The following SLC25A19 variants were observed in gnomAD, a reference collection of about 807,000 sequenced individuals.
SLC25A19 encodes mitochondrial thiamine pyrophosphate carrier.
Under a neutral mutation model 27.9 loss-of-function variants are expected in SLC25A19, and 18 were observed. That is an observed-to-expected ratio of 0.64 (90% confidence interval 0.45 to 0.96). The LOEUF is 0.96. SLC25A19 is among the 40% of genes least tolerant of loss of function. The pLI is 0.00. For synonymous variants in SLC25A19, 169 were observed against 167.1 expected, an observed-to-expected ratio of 1.01 and a Z score of -0.09; for missense variants, 371 against 418.3, an observed-to-expected ratio of 0.89 and a Z score of 0.99.
At chr17:75,280,675 C>A (rs549267162) in intron 5 of SLC25A19, among the ~76,000 whole-genome samples, 3 of 150,796 alleles carry the variant, frequency 2.0e-5, no homozygotes, top group Non-Finnish European at 3.0e-5. Flanking sequence ...TAGCCAGGCG[C>A]GGTGGTGGGC....
intron 6 of SLC25A19, 93 bp downstream of exon 6, chr17:75,278,059 C>T (rs1291557264): frequency 9.2e-6 from 13 of 1,408,888 alleles, no homozygotes; most frequent in Non-Finnish European, 1.3e-5. Flanking sequence ...GTCTTTGATT[C>T]GGACAGGAGA....
intron 4 of SLC25A19, among the ~76,000 whole-genome samples, chr17:75,284,531 C>T (rs1339453155): frequency 6.6e-6 from 1 of 151,876 alleles, no homozygotes; most frequent in Non-Finnish European, 1.5e-5. Context: ...GTGCAGCTGG[C>T]GGCGGCACCT....
At chr17:75,278,060 G>C (rs1430754666) in intron 6 of SLC25A19, 92 bp downstream of exon 6, 3 of 1,416,842 alleles carry the variant, frequency 2.1e-6, no homozygotes, top group Non-Finnish European at 3.0e-6. Context: ...TCTTTGATTC[G>C]GACAGGAGAA....
chr17:75,285,898 T>C (rs1254870464), intron 4 of SLC25A19, among the ~76,000 whole-genome samples: 5 of 152,226 alleles, frequency 3.3e-5, no homozygotes, highest in Non-Finnish European at 7.4e-5. Flanking sequence ...GTGCAGGCTG[T>C]GTGGCCTCGG....
In SLC25A19 at chr17:75,273,606, T is replaced by G. The variant is rs755616679; in HGVS notation, c.808A>C (p.Lys270Gln). 6 of 1,613,250 alleles carry G rather than the reference T, an allele frequency of 3.7e-6. No homozygotes were observed. The highest frequency in any genetic ancestry group is 5.1e-6 in the Non-Finnish European group (6 of 1,179,872). The change falls in exon 8 of 8, where the codon AAG becomes CAG. Residue 270 changes from lysine (K) to glutamine (Q), a missense_variant. By Grantham distance (53) the Lys-to-Gln change is moderately conservative. Transcript: ENST00000416858. ...RRYKGLMDCA[K>Q]QVLQKEGALG... ...GCGCCTTCCTTTTGCAGCACCTGCT[T>G]GGCACAGTCCATGAGGCCCTTGTAT...
intron 2 of SLC25A19, chr17:75,287,581 T>G (rs755420494): frequency 1.3e-5 from 2 of 152,224 alleles, no homozygotes; most frequent in African/African-American, 2.4e-5. Context: ...ACAGGCTTGA[T>G]AGGCAATTGT....
intron 6 of SLC25A19, 36 bp from the exon 7 acceptor site, chr17:75,277,519 G>A: frequency 6.2e-7 from 1 of 1,612,638 alleles, no homozygotes; most frequent in Non-Finnish European, 8.5e-7. Flanking sequence ...GAATGGATGA[G>A]AGAAATGCAG....
chr17:75,274,144 C>G (rs907672925), intron 7 of SLC25A19, among the ~76,000 whole-genome samples: 1 of 152,190 alleles, frequency 6.6e-6, no homozygotes, highest in Non-Finnish European at 1.5e-5. Flanking sequence ...AAATCAGAAG[C>G]TGGACAGCGC....
At chr17:75,278,973 ACT>A (rs1242603424) in intron 5 of SLC25A19, among the ~76,000 whole-genome samples, 1 of 150,724 alleles carries the variant, frequency 6.6e-6, no homozygotes, top group Admixed American at 6.6e-5. Flanking sequence ...ACAGGCGGAG[ACT>A]CTGTCTCAAA....
intron 7 of SLC25A19, among the ~76,000 whole-genome samples, chr17:75,276,746 C>T (rs2077897864): frequency 6.7e-6 from 1 of 149,346 alleles, no homozygotes. Flanking sequence ...GCAATCTCAG[C>T]TCACTGCAAA....
chr17:75,273,359 A>C lies in SLC25A19; in HGVS notation c.*92T>G. 5 of 1,432,516 alleles carry C rather than the reference A, an allele frequency of 3.5e-6. No individual in the cohort carries two copies. The highest frequency in any genetic ancestry group is 4.8e-6 in the Non-Finnish European group (5 of 1,049,354). The allele number at this position is 1,432,516 out of a possible 1,614,324, so 88.7% of individuals were successfully genotyped here. ...ACCCCGCTTGGGGCAGCTGGCCTGC[A>C]GGGAAGGGCCAGACGGCACCTCTCA... is the stretch of plus-strand genomic sequence containing the variant. On this transcript the variant is annotated 3_prime_UTR_variant, in exon 8 of 8. Coordinates refer to ENST00000416858, the MANE Select transcript of SLC25A19 (RefSeq NM_001126121.2).
intron 5 of SLC25A19, among the ~76,000 whole-genome samples, chr17:75,280,182 C>A (rs189180173): frequency 1.6e-3 from 237 of 152,112 alleles, no homozygotes; most frequent in African/African-American, 5.5e-3. Flanking sequence ...GCCTGGGCAA[C>A]ATGGTGAATG....
At chr17:75,288,845 A>G (rs1302125194) in intron 1 of SLC25A19, among the ~76,000 whole-genome samples, 1 of 151,970 alleles carries the variant, frequency 6.6e-6, no homozygotes, top group Non-Finnish European at 1.5e-5. Context: ...CCCATGAGGA[A>G]GTTTAAACAC....
At chr17:75,274,303 C>G (rs1057507626) in intron 7 of SLC25A19, among the ~76,000 whole-genome samples, 2 of 152,122 alleles carry the variant, frequency 1.3e-5, no homozygotes, top group African/African-American at 4.8e-5. Context: ...CTCAGTAGCT[C>G]TCAGCCGGGC....
chr17:75,277,846 A>G (rs2077931965), intron 6 of SLC25A19, among the ~76,000 whole-genome samples: 1 of 151,632 alleles, frequency 6.6e-6, no homozygotes, highest in Admixed American at 6.6e-5. Context: ...TGCCTGGAAA[A>G]AGCAACTGAA....
chr17:75,273,934 G>A, intron 7 of SLC25A19: 1 of 366,214 alleles, frequency 2.7e-6, no homozygotes, highest in Non-Finnish European at 5.3e-6. Context: ...CTAATTTTTT[G>A]TATTTTTAGT....
Position 75,286,766 on chromosome 17 carries a change from C to G in SLC25A19, c.-2G>C. 1 of 1,614,106 alleles carries G rather than the reference C, an allele frequency of 6.2e-7. No individual in the cohort carries two copies. Among genetic ancestry groups the G allele is most frequent in the Non-Finnish European group, 8.5e-7 (1 of 1,180,012 alleles). ...TGGTTTGGGGTCATAGCCAACCATC[C>G]CTGCCTCTGGCCCACACAATGTCCA... On this transcript the variant is annotated 5_prime_UTR_variant, in exon 3 of 8. Coordinates refer to ENST00000416858, the MANE Select transcript of SLC25A19 (RefSeq NM_001126121.2).
chr17:75,278,121 A>AGG, intron 6 of SLC25A19, 31 bp downstream of exon 6: 1 of 1,610,594 alleles, frequency 6.2e-7, no homozygotes, highest in Non-Finnish European at 8.5e-7. Context: ...CTGGGGTGGG[A>AGG]GGGCTCCCTC....
At chr17:75,285,369 G>C (rs889546046) in intron 4 of SLC25A19, among the ~76,000 whole-genome samples, 2 of 152,150 alleles carry the variant, frequency 1.3e-5, no homozygotes, top group African/African-American at 4.8e-5. Flanking sequence ...CCGCCTCCCG[G>C]GCTCAGATGC....
Sources: allele counts gnomAD v4.1 joint callset (sites outside exome capture counted in the v4.1 genomes callset), GRCh38; gene constraint gnomAD v4.1.1; transcripts MANE v1.5; gene names NCBI Gene and HGNC (gene_info 2026-07-23, HGNC 2026-07-21).